RBM38: variants seen among roughly 807,000 people sequenced by gnomAD.
The protein encoded by RBM38 is RNA-binding protein 38.
In RBM38, 11 loss-of-function variants were observed where a neutral mutation model predicts 23.5. That is an observed-to-expected ratio of 0.47 (90% CI 0.29 to 0.77). The LOEUF is 0.77. Ranked by LOEUF, RBM38 falls within the 30% of genes least tolerant of loss-of-function variation. The pLI is 0.08. For missense variants in RBM38, 330 were observed against 351.9 expected (o/e 0.94, Z 0.50); for synonymous variants, 165 against 166.1 (o/e 0.99, Z 0.05).
chr20:57,404,565 C>T (rs945608001), intron 3 of RBM38, among the ~76,000 whole-genome samples: 11 of 152,228 alleles, frequency 7.2e-5, no homozygotes, highest in Middle Eastern at 6.3e-3. Flanking sequence ...GGGAGGCCTC[C>T]GAGACCCTTC....
At chr20:57,395,956 A>C (rs8125560) in intron 3 of RBM38, among the ~76,000 whole-genome samples, 24,475 of 152,138 alleles carry the variant, frequency 0.16, 2,108 homozygotes, top group Middle Eastern at 0.27. Context: ...AGGGTTGTCC[A>C]CCAGTTAACC....
At chr20:57,405,187 TC>T (rs980225479) in intron 3 of RBM38, among the ~76,000 whole-genome samples, 4 of 152,194 alleles carry the variant, frequency 2.6e-5, no homozygotes, top group African/African-American at 9.7e-5. Flanking sequence ...TGTCTTGACT[TC>T]CCCTGAGCCC....
In RBM38 at chr20:57,408,790, G is replaced by C. The variant is rs1407443775; in HGVS notation, c.*944G>C. 2 of 152,354 alleles carry C rather than the reference G, an allele frequency of 1.3e-5. No individual in the cohort carries two copies. Among genetic ancestry groups the C allele is most frequent in the African/African-American group, 4.8e-5 (2 of 41,450 alleles). The allele number at this position is 152,354 out of a possible 1,614,324, so 9.4% of individuals were successfully genotyped here. A position where few individuals can be genotyped will look rare whatever the true frequency, so the allele number is the denominator to read the frequency against. On this transcript the variant is annotated 3_prime_UTR_variant, in exon 4 of 4. Transcript: ENST00000356208. Reference sequence around the variant, plus strand: ...GCAGAGTGAGTTGTCTCAGGACCCCGTCACTGCGACGTTGACACTCCTCTC... The same window carrying C: ...GCAGAGTGAGTTGTCTCAGGACCCCCTCACTGCGACGTTGACACTCCTCTC...
Position 57,392,482 on chromosome 20 carries a change from GA to G in RBM38, c.238-171del. On this transcript the variant is annotated intron_variant, in intron 1 of 3. Transcript: ENST00000356208. ...TGGAATCCAGGAGGCATCTTTGTGG[GA>G]GAGCCCCAGGTAGGGTTCAGAGGAG... is the stretch of plus-strand genomic sequence containing the variant. 3.9e-6 allele frequency: 6 copies of G among 1,534,308 alleles called. No homozygotes were observed. The East Asian group carries it at 1.5e-4, about 38-fold the overall frequency.
intron 3 of RBM38, among the ~76,000 whole-genome samples, chr20:57,399,416 C>T (rs1050907314): frequency 2.6e-5 from 4 of 152,140 alleles, no homozygotes; most frequent in Non-Finnish European, 5.9e-5. Flanking sequence ...CTGCCTGCAC[C>T]AGCGGCCCTG....
chr20:57,408,895 C>A lies in RBM38; in HGVS notation c.*1049C>A, dbSNP rs902727433. The A allele has an allele frequency of 3.9e-4, 59 of 152,972 alleles. No individual in the cohort carries two copies. Among genetic ancestry groups the A allele is most frequent in the African/African-American group, 1.3e-3 (56 of 41,576 alleles). 9.5% of individuals were successfully genotyped at this position (152,972 alleles called of 1,614,324 possible). A position where few individuals can be genotyped will look rare whatever the true frequency, so the allele number is the denominator to read the frequency against. Reference sequence around the variant, plus strand: ...CCACAGCATTCAGGCCACTTGGGGTCTAGACCATGGTGGTGCCAGCCTGGG... The same window carrying A: ...CCACAGCATTCAGGCCACTTGGGGTATAGACCATGGTGGTGCCAGCCTGGG... On this transcript the variant is annotated 3_prime_UTR_variant, in exon 4 of 4. Transcript: ENST00000356208.
At chr20:57,401,301 G>T (rs368198424) in intron 3 of RBM38, among the ~76,000 whole-genome samples, 1 of 152,188 alleles carries the variant, frequency 6.6e-6, no homozygotes, top group South Asian at 2.1e-4. Flanking sequence ...GAGGTCACCC[G>T]GGGCCGCCAG....
chr20:57,393,619 A>G (rs1171355173), intron 3 of RBM38, among the ~76,000 whole-genome samples: 1 of 152,182 alleles, frequency 6.6e-6, no homozygotes, highest in African/African-American at 2.4e-5. Flanking sequence ...GGGAGTGGTC[A>G]CAGCACATCT....
chr20:57,397,823 T>C (rs938683556), intron 3 of RBM38, among the ~76,000 whole-genome samples: 10 of 152,204 alleles, frequency 6.6e-5, no homozygotes, highest in Non-Finnish European at 1.2e-4. Flanking sequence ...GATCTCGTGC[T>C]CACATTCTGT....
chr20:57,394,088 T>TA (rs1366633352), intron 3 of RBM38, among the ~76,000 whole-genome samples: 1 of 152,080 alleles, frequency 6.6e-6, no homozygotes, highest in African/African-American at 2.4e-5. Context: ...CCGTGGCATA[T>TA]TGATGGGGTT....
chr20:57,408,223 C>G lies in RBM38; in HGVS notation c.*377C>G, dbSNP rs11546712. The G allele has an allele frequency of 2.8e-6, 1 of 361,474 alleles. No individual in the cohort carries two copies. The highest frequency in any genetic ancestry group is 2.1e-5 in the African/African-American group (1 of 48,010). The allele number at this position is 361,474 out of a possible 1,614,324, so 22.4% of individuals were successfully genotyped here. A position where few individuals can be genotyped will look rare whatever the true frequency, so the allele number is the denominator to read the frequency against. On this transcript the variant is annotated 3_prime_UTR_variant, in exon 4 of 4. Transcript: ENST00000356208. Reference sequence around the variant, plus strand: ...GGGGTGTCACAGACCCTCTGCAGCCCCTGGCTGCCCTGGACTGTGCAGAGA... The same window carrying G: ...GGGGTGTCACAGACCCTCTGCAGCCGCTGGCTGCCCTGGACTGTGCAGAGA...
chr20:57,401,873 A>C (rs2067331675), intron 3 of RBM38, among the ~76,000 whole-genome samples: 1 of 152,132 alleles, frequency 6.6e-6, no homozygotes, highest in Non-Finnish European at 1.5e-5. Flanking sequence ...ACAAGGGAGC[A>C]GTTTGGGTTT....
intron 3 of RBM38, among the ~76,000 whole-genome samples, chr20:57,399,705 A>G (rs772309219): frequency 2.6e-5 from 4 of 152,138 alleles, no homozygotes; most frequent in Non-Finnish European, 5.9e-5. Flanking sequence ...GAATGTCCCT[A>G]GACCTCCCGG....
At chr20:57,402,549 G>C (rs1292434144) in intron 3 of RBM38, among the ~76,000 whole-genome samples, 1 of 152,228 alleles carries the variant, frequency 6.6e-6, no homozygotes, top group Non-Finnish European at 1.5e-5. Context: ...CTGTGCAGGG[G>C]ACACACTTGG....
Position 57,405,065 on chromosome 20 carries a change from T to A in RBM38, c.417-2478T>A, listed in dbSNP as rs547000488. ...TGCCTCCGCCCTTGTGCCGCCATGC[T>A]GCTCCCCTGTGGCCAGCTCTGCCTC... On this transcript the variant is annotated intron_variant, in intron 3 of 3. Coordinates refer to ENST00000356208, the MANE Select transcript of RBM38 (RefSeq NM_017495.6). 3.9e-4 allele frequency among the ~76,000 whole-genome samples: 59 copies of A among 152,336 alleles called. 1 individual carries two copies. The highest frequency in any genetic ancestry group is 1.3e-3 in the African/African-American group (55 of 41,588).
chr20:57,400,376 C>T (rs546494688), intron 3 of RBM38, among the ~76,000 whole-genome samples: 17 of 152,278 alleles, frequency 1.1e-4, no homozygotes, highest in African/African-American at 3.9e-4. Context: ...GGACCAGGCT[C>T]GGGGTCCCCC....
chr20:57,392,518 A>G (rs1255720160), intron 1 of RBM38, 136 bp from the exon 2 acceptor site: 4 of 1,525,674 alleles, frequency 2.6e-6, no homozygotes, highest in Non-Finnish European at 2.6e-6. Flanking sequence ...GCTTTGGCTC[A>G]AGGACCCTGG....
In RBM38 at chr20:57,391,539, C is replaced by T; in HGVS notation, c.-43C>T. 2.7e-6 allele frequency: 2 copies of T among 754,552 alleles called. No individual in the cohort carries two copies. The highest frequency in any genetic ancestry group is 5.9e-5 in the South Asian group (1 of 17,060). The allele number at this position is 754,552 out of a possible 1,614,324, so 46.7% of individuals were successfully genotyped here. The stretch of plus-strand genomic sequence containing the variant: ...CGCTCCCCGCCGCCCCCCATGAGCG[C>T]AGCCCCGCGCGGCCCGGGTCCGTAG... On this transcript the variant is annotated 5_prime_UTR_variant, in exon 1 of 4. Transcript: ENST00000356208.
chr20:57,396,318 G>T (rs1388078956), intron 3 of RBM38, among the ~76,000 whole-genome samples: 1 of 152,236 alleles, frequency 6.6e-6, no homozygotes, highest in Non-Finnish European at 1.5e-5. Context: ...GGAGCCGGTG[G>T]CCGTGGCCCA....
Sources: allele counts gnomAD v4.1 joint callset (sites outside exome capture counted in the v4.1 genomes callset), GRCh38; gene constraint gnomAD v4.1.1; transcripts MANE v1.5; gene names NCBI Gene and HGNC (gene_info 2026-07-23, HGNC 2026-07-21).